DNAI7: variants seen among roughly 807,000 people sequenced by gnomAD.
DNAI7 encodes the protein dynein axonemal intermediate chain 7, also known as cancer susceptibility 1.
DNAI7 carries 78 observed loss-of-function variants against 86.6 expected under a neutral mutation model. That is an observed-to-expected ratio of 0.90 (90% CI 0.75 to 1.09). The LOEUF (loss-of-function observed/expected upper bound fraction) is 1.09. DNAI7 is among the 50% of genes least tolerant of loss of function. The probability of loss-of-function intolerance (pLI) is 0.00; values close to 1 mark genes in which losing one functional copy is unlikely to be tolerated. For synonymous variants in DNAI7, 274 were observed against 273.0 expected, an observed-to-expected ratio of 1.00 and a Z score of -0.04; for missense variants, 753 against 810.2, an observed-to-expected ratio of 0.93 and a Z score of 0.86.
intron 2 of DNAI7, among the ~76,000 whole-genome samples, chr12:25,163,559 G>A (rs187682594): frequency 1.3e-5 from 2 of 152,238 alleles, no homozygotes; most frequent in Non-Finnish European, 2.9e-5. Flanking sequence ...CTGCACCCAG[G>A]TGATTAAAGA....
chr12:25,155,175 AT>A (rs1297910848), intron 5 of DNAI7, 135 bp downstream of exon 5: 4 of 514,250 alleles, frequency 7.8e-6, no homozygotes, highest in Non-Finnish European at 1.4e-5. Context: ...TTACTTTGCC[AT>A]AAGCAATCAA....
intron 3 of DNAI7, among the ~76,000 whole-genome samples, chr12:25,159,028 C>T (rs1199554974): frequency 1.3e-5 from 2 of 152,178 alleles, no homozygotes; most frequent in African/African-American, 4.8e-5. Context: ...GACAGTGTGG[C>T]AATTCCTCAA....
chr12:25,173,844 A>C (rs902356182), intron 2 of DNAI7, among the ~76,000 whole-genome samples: 1 of 145,776 alleles, frequency 6.9e-6, no homozygotes, highest in African/African-American at 2.6e-5. Flanking sequence ...CATCATATAT[A>C]TATACATCAT....
intron 12 of DNAI7, 121 bp from the exon 13 acceptor site, chr12:25,114,991 C>T: frequency 2.6e-6 from 2 of 758,600 alleles, no homozygotes; most frequent in Non-Finnish European, 4.2e-6. Context: ...AGAATAGAAA[C>T]TCAAAAGAAG....
At chr12:25,125,188 T>TC (rs1941949133) in intron 9 of DNAI7, among the ~76,000 whole-genome samples, 1 of 152,212 alleles carries the variant, frequency 6.6e-6, no homozygotes, top group East Asian at 1.9e-4. Context: ...CTTTGAGGAA[T>TC]CACCATATTG....
rs746448002 is a variant in DNAI7 at position 25,154,380 on chromosome 12, C to A, written c.377G>T (p.Trp126Leu). 3.7e-6 allele frequency: 6 copies of A among 1,611,430 alleles called. No individual in the cohort carries two copies. The South Asian group carries it at 4.4e-5, about 12-fold the overall frequency. The part of the protein sequence containing the change: ...AQEMNTFISL[W>L]KEKTNETFEE... ...AAAAGTCTCATTTGTTTTCTCTTTC[C>A]ACAAACTAATAAACGTGTTCATTTC... Residue 126 changes from tryptophan to leucine, a missense_variant, in exon 6 of 16, where the codon TGG (tryptophan) becomes TTG (leucine). Trp to Leu is a moderately conservative substitution (Grantham distance 61). Coordinates refer to ENST00000395987, the MANE Select transcript of DNAI7 (RefSeq NM_018272.5).
At position 25,158,581 on chromosome 12, in the gene DNAI7, A is replaced by AT. The variant is rs34714093; in HGVS notation, c.107-19dup. 3 of 1,603,418 alleles carry AT rather than the reference A, an allele frequency of 1.9e-6. No individual in the cohort carries two copies. Among genetic ancestry groups the AT allele is most frequent in the Admixed American group, 1.7e-5 (1 of 59,086 alleles). On this transcript the variant is annotated intron_variant, in intron 3 of 15. Transcript: ENST00000395987. ...GGCTTCCTCTAAAGAACCAAAAATAATTTTTTTCTCAGTGAATAGATCACT... is the reference window on the plus strand; with the variant it reads ...GGCTTCCTCTAAAGAACCAAAAATAATTTTTTTTCTCAGTGAATAGATCACT...
At chr12:25,121,664 A>T in intron 11 of DNAI7, 89 bp downstream of exon 11, 1 of 1,086,720 alleles carries the variant, frequency 9.2e-7, no homozygotes, top group Non-Finnish European at 1.3e-6. Context: ...TAATAAGGTT[A>T]AAGCTTATTA....
intron 9 of DNAI7, among the ~76,000 whole-genome samples, chr12:25,123,561 G>A (rs1941648235): frequency 6.6e-6 from 1 of 152,180 alleles, no homozygotes; most frequent in South Asian, 2.1e-4. Flanking sequence ...AGGAAGCAAT[G>A]CAAGCTATAA....
downstream of DNAI7, chr12:25,108,186 G>T (rs532733260): frequency 8.5e-6 from 9 of 1,053,608 alleles, no homozygotes; most frequent in Admixed American, 1.7e-4. Context: ...CTGTAAGATA[G>T]CTTACATTTC....
intron 9 of DNAI7, among the ~76,000 whole-genome samples, chr12:25,142,907 G>A (rs774461075): frequency 2.6e-5 from 4 of 152,154 alleles, no homozygotes; most frequent in Non-Finnish European, 4.4e-5. Flanking sequence ...CTGCAACATG[G>A]AAAGGAGTAT....
At chr12:25,179,108 A>G (rs2087766059) in intron 2 of DNAI7, among the ~76,000 whole-genome samples, 1 of 152,062 alleles carries the variant, frequency 6.6e-6, no homozygotes, top group African/African-American at 2.4e-5. Context: ...AGTTTAAAAT[A>G]TTTTCTAATT....
At chr12:25,144,168 G>A (rs1052436872) in intron 9 of DNAI7, among the ~76,000 whole-genome samples, 197 bp downstream of exon 9, 22 of 152,116 alleles carry the variant, frequency 1.4e-4, no homozygotes, top group Non-Finnish European at 2.2e-4. Flanking sequence ...TTAGGATGTT[G>A]AAGCTAGTGG....
In DNAI7 at chr12:25,153,475, TTTC is replaced by T. The variant is rs534664737; in HGVS notation, c.438+841_438+843del. Among the ~76,000 whole-genome samples, 609 of 152,326 alleles carry T rather than the reference TTTC, an allele frequency of 4.0e-3. 3 individuals are homozygous for T. The highest frequency in any genetic ancestry group is 0.013 in the African/African-American group (553 of 41,578). ...AAAATTCTTAGTGGAGACATTTTTG[TTTC>T]TTATTCACTAAGCTAAAGATAAGCC... On this transcript the variant is annotated intron_variant, in intron 6 of 15. Transcript: ENST00000395987.
chr12:25,158,886 A>G (rs1946522087), intron 3 of DNAI7: 1 of 331,568 alleles, frequency 3.0e-6, no homozygotes, highest in Non-Finnish European at 5.8e-6. Flanking sequence ...CAAAACCACA[A>G]TGAGATACCA....
intron 2 of DNAI7, among the ~76,000 whole-genome samples, chr12:25,183,936 C>A (rs1949795135): frequency 6.6e-6 from 1 of 151,782 alleles, no homozygotes; most frequent in South Asian, 2.1e-4. Flanking sequence ...TTCTCTCTAC[C>A]AGTTGAGAAG....
At chr12:25,137,806 C>T (rs1231975175) in intron 9 of DNAI7, among the ~76,000 whole-genome samples, 2 of 152,126 alleles carry the variant, frequency 1.3e-5, no homozygotes, top group Middle Eastern at 3.2e-3. Context: ...AGGGACACTA[C>T]ATAATGATAA....
At position 25,111,929 on chromosome 12, in the gene DNAI7, C is replaced by A; in HGVS notation, c.1622G>T (p.Cys541Phe). 1.9e-6 allele frequency: 3 copies of A among 1,581,472 alleles called. No homozygotes were observed. Among genetic ancestry groups the A allele is most frequent in the Non-Finnish European group, 1.7e-6 (2 of 1,167,062 alleles). ...TTTTAGTTTGATTGAAGATAACATG[C>A]AGAGGTTTTCCTAGTTTAAATAAGA... ...EIQIQIKENLCMLSSIKLKDK... is the reference protein window; with the variant it reads ...EIQIQIKENLFMLSSIKLKDK... The change falls in exon 14 of 16, where the codon TGC becomes TTC. Residue 541 changes from cysteine to phenylalanine, a missense_variant. Transcript: ENST00000395987.
At chr12:25,109,552 A>G (rs2140317833) in intron 15 of DNAI7, among the ~76,000 whole-genome samples, 1 of 151,818 alleles carries the variant, frequency 6.6e-6, no homozygotes, top group East Asian at 2.0e-4. Context: ...GCACCCGGCA[A>G]GGCTTCCATT....
Sources: allele counts gnomAD v4.1 joint callset (sites outside exome capture counted in the v4.1 genomes callset), GRCh38; gene constraint gnomAD v4.1.1; transcripts MANE v1.5; gene names NCBI Gene and HGNC (gene_info 2026-07-23, HGNC 2026-07-21).